The following RCSD1 variants were observed in gnomAD, a reference collection of about 807,000 sequenced individuals.
RCSD1 encodes capZ-interacting protein.
In RCSD1, 26 loss-of-function variants were observed where a neutral mutation model predicts 42.5. The observed-to-expected ratio is 0.61, with a 90% confidence interval of 0.45 to 0.85. The LOEUF is 0.85. Ranked by LOEUF, RCSD1 falls within the 40% of genes least tolerant of loss-of-function variation. The probability of loss-of-function intolerance (pLI) is 0.00; values close to 1 mark genes in which losing one functional copy is unlikely to be tolerated. For synonymous variants in RCSD1, 220 were observed against 212.2 expected, an observed-to-expected ratio of 1.04 and a Z score of -0.32; for missense variants, 571 against 528.3, an observed-to-expected ratio of 1.08 and a Z score of -0.79.
At chr1:167,685,539 T>G (rs1211904461) in intron 3 of RCSD1, 29 bp downstream of exon 3, 3 of 1,582,448 alleles carry the variant, frequency 1.9e-6, no homozygotes. Context: ...GCTCAGAGGA[T>G]GCTGTGATGG....
intron 1 of RCSD1, among the ~76,000 whole-genome samples, chr1:167,683,371 A>G (rs532893404): frequency 6.6e-6 from 1 of 152,324 alleles, no homozygotes; most frequent in South Asian, 2.1e-4. Flanking sequence ...CAGTGCTTGA[A>G]TCCAGGCAGT....
At chr1:167,680,750 G>C (rs1355222385) in intron 1 of RCSD1, among the ~76,000 whole-genome samples, 1 of 152,204 alleles carries the variant, frequency 6.6e-6, no homozygotes, top group Non-Finnish European at 1.5e-5. Context: ...TGGGATTCCA[G>C]GCTTGAGCTA....
chr1:167,696,293 C>T (rs1453191987), intron 5 of RCSD1, among the ~76,000 whole-genome samples: 1 of 151,936 alleles, frequency 6.6e-6, no homozygotes, highest in African/African-American at 2.4e-5. Context: ...ATCTTTTTTA[C>T]TGGATAGGAA....
intron 1 of RCSD1, chr1:167,663,577 G>C (rs1279297114): frequency 1.3e-5 from 2 of 152,318 alleles, no homozygotes; most frequent in South Asian, 2.1e-4. Context: ...TCACACTCCA[G>C]CTTGCTCTTG....
intron 1 of RCSD1, among the ~76,000 whole-genome samples, chr1:167,679,586 ACC>A (rs1659030517): frequency 1.3e-5 from 2 of 152,196 alleles, no homozygotes; most frequent in Admixed American, 6.5e-5. Flanking sequence ...AAGCAAACAT[ACC>A]TCAGACCTTT....
In RCSD1 at chr1:167,655,874, G is replaced by A. The variant is rs956327882; in HGVS notation, c.6+25445G>A. Among the ~76,000 whole-genome samples the A allele has an allele frequency of 5.3e-5, 8 of 152,226 alleles. No individual in the cohort carries two copies. The South Asian group carries it at 1.0e-3, about 20-fold the overall frequency. On this transcript the variant is annotated intron_variant, in intron 1 of 6. Transcript: ENST00000367854. The stretch of plus-strand genomic sequence containing the variant: ...AAAGGCAGAATACTTGTTCATTTAG[G>A]CAAGAAAAAATGTTATACATAAACT...
In RCSD1 at chr1:167,630,437, AC is replaced by A. The variant is rs1203034945; in HGVS notation, c.6+12del. 3 of 1,540,166 alleles carry A rather than the reference AC, an allele frequency of 1.9e-6. No individual in the cohort carries two copies. Among genetic ancestry groups the A allele is most frequent in the Non-Finnish European group, 2.6e-6 (3 of 1,141,564 alleles). ...CACCTGAAGGACATGGAGGTAAAGGACCCCGGAGGGAGACGCGGGGCTGAGC... is the reference window on the plus strand; with the variant it reads ...CACCTGAAGGACATGGAGGTAAAGGACCCGGAGGGAGACGCGGGGCTGAGC... On this transcript the variant is annotated intron_variant, in intron 1 of 6. Coordinates refer to ENST00000367854, the MANE Select transcript of RCSD1 (RefSeq NM_052862.4).
At chr1:167,691,136 C>A (rs1406990179) in intron 4 of RCSD1, among the ~76,000 whole-genome samples, 4 of 152,182 alleles carry the variant, frequency 2.6e-5, no homozygotes, top group South Asian at 2.1e-4. Context: ...GGGGCTGTCT[C>A]GTGCACGGCA....
chr1:167,684,734 C>T (rs772207682), intron 2 of RCSD1, among the ~76,000 whole-genome samples: 34 of 152,168 alleles, frequency 2.2e-4, no homozygotes, highest in Non-Finnish European at 3.1e-4. Flanking sequence ...ATTGGCCGGG[C>T]GTGGTGGCAC....
intron 1 of RCSD1, among the ~76,000 whole-genome samples, chr1:167,671,061 GA>G (rs921010313): frequency 2.0e-5 from 3 of 152,162 alleles, no homozygotes; most frequent in Non-Finnish European, 4.4e-5. Flanking sequence ...TGCCTCTGCT[GA>G]ATCCCTATTC....
At chr1:167,655,757 T>C (rs887143173) in intron 1 of RCSD1, among the ~76,000 whole-genome samples, 6 of 152,236 alleles carry the variant, frequency 3.9e-5, no homozygotes, top group South Asian at 2.1e-4. Flanking sequence ...GCAGCTCCAA[T>C]AGAATCTTTG....
At chr1:167,659,487 T>C (rs1658495355) in intron 1 of RCSD1, among the ~76,000 whole-genome samples, 1 of 152,180 alleles carries the variant, frequency 6.6e-6, no homozygotes, top group African/African-American at 2.4e-5. Flanking sequence ...TTTTAACACC[T>C]TTTTGGGCAC....
intron 1 of RCSD1, among the ~76,000 whole-genome samples, chr1:167,648,149 A>G (rs1350146748): frequency 6.6e-6 from 1 of 152,144 alleles, no homozygotes; most frequent in African/African-American, 2.4e-5. Context: ...CTTGTTCCTC[A>G]TAGTCATATT....
intron 3 of RCSD1, among the ~76,000 whole-genome samples, chr1:167,689,748 A>G (rs1659329863): frequency 6.6e-6 from 1 of 152,070 alleles, no homozygotes; most frequent in East Asian, 1.9e-4. Context: ...GATCTTGCTC[A>G]GATATAGTTT....
At chr1:167,674,869 G>A (rs1322837886) in intron 1 of RCSD1, among the ~76,000 whole-genome samples, 1 of 152,072 alleles carries the variant, frequency 6.6e-6, no homozygotes, top group African/African-American at 2.4e-5. Flanking sequence ...TTCTCCATTT[G>A]TCAGTGAATG....
At chr1:167,643,586 A>G (rs181712069) in intron 1 of RCSD1, among the ~76,000 whole-genome samples, 24 of 152,354 alleles carry the variant, frequency 1.6e-4, no homozygotes, top group African/African-American at 4.8e-4. Context: ...CAGGCTTCAT[A>G]TGCCTCATGG....
At chr1:167,635,605 CAG>C (rs909407855) in intron 1 of RCSD1, among the ~76,000 whole-genome samples, 1 of 152,194 alleles carries the variant, frequency 6.6e-6, no homozygotes, top group Non-Finnish European at 1.5e-5. Context: ...GTAATCTTAT[CAG>C]GGCCGCAAGA....
At chr1:167,648,617 A>G (rs533756186) in intron 1 of RCSD1, among the ~76,000 whole-genome samples, 2 of 152,156 alleles carry the variant, frequency 1.3e-5, no homozygotes, top group South Asian at 2.1e-4. Flanking sequence ...AGGGGTGTGG[A>G]CCCCCTGGAA....
At chr1:167,639,638 G>A (rs896020262) in intron 1 of RCSD1, among the ~76,000 whole-genome samples, 3 of 152,130 alleles carry the variant, frequency 2.0e-5, no homozygotes, top group African/African-American at 4.8e-5. Flanking sequence ...TATTACAGGC[G>A]CCTGCCACTG....
Sources: allele counts gnomAD v4.1 joint callset (sites outside exome capture counted in the v4.1 genomes callset), GRCh38; gene constraint gnomAD v4.1.1; transcripts MANE v1.5; gene names NCBI Gene and HGNC (gene_info 2026-07-23, HGNC 2026-07-21).